FAM107B: variants seen among roughly 807,000 people sequenced by gnomAD.
FAM107B encodes protein FAM107B.
A neutral mutation model predicts 31.5 loss-of-function variants in FAM107B; 21 were observed. The ratio of observed to expected loss-of-function variants is 0.67; its 90% CI spans 0.47 to 0.96. FAM107B has a LOEUF of 0.96. Ranked by LOEUF, FAM107B falls within the 40% of genes least tolerant of loss-of-function variation. The pLI is 0.00. For missense variants in FAM107B, 452 were observed against 377.1 expected (o/e 1.20, Z -1.64); for synonymous variants, 157 against 141.5 (o/e 1.11, Z -0.78).
At chr10:14,553,239 G>A (rs1849419303) in intron 2 of FAM107B, 2 of 606,164 alleles carry the variant, frequency 3.3e-6, no homozygotes, top group African/African-American at 4.0e-5. Context: ...AATTATATCT[G>A]TTCACAGGTA....
At chr10:14,570,878 T>TA (rs1214393800) in intron 2 of FAM107B, among the ~76,000 whole-genome samples, 1 of 142,418 alleles carries the variant, frequency 7.0e-6, no homozygotes, top group Non-Finnish European at 1.5e-5. Flanking sequence ...TTTTTTTTTT[T>TA]AATCCACAAC....
intron 1 of FAM107B, among the ~76,000 whole-genome samples, chr10:14,755,505 A>G (rs1832910440): frequency 6.6e-6 from 1 of 151,848 alleles, no homozygotes; most frequent in Non-Finnish European, 1.5e-5. Context: ...TCAAAAAAAA[A>G]AAAAAGAAAA....
intron 2 of FAM107B, among the ~76,000 whole-genome samples, chr10:14,661,884 C>T (rs528004679): frequency 2.0e-4 from 31 of 152,288 alleles, no homozygotes; most frequent in African/African-American, 6.3e-4. Flanking sequence ...TCAATTTGTG[C>T]CTTCTCGCTG....
intron 1 of FAM107B, among the ~76,000 whole-genome samples, chr10:14,748,690 C>T (rs565596811): frequency 1.3e-5 from 2 of 152,332 alleles, no homozygotes; most frequent in South Asian, 2.1e-4. Context: ...TGCAGCAGAG[C>T]GGTCACCAGG....
chr10:14,574,273 CCT>C (rs1564581281), intron 2 of FAM107B, among the ~76,000 whole-genome samples: 1 of 152,178 alleles, frequency 6.6e-6, no homozygotes, highest in South Asian at 2.1e-4. Flanking sequence ...CATTCTGTAC[CCT>C]GAGACATCAC....
At chr10:14,747,144 G>A (rs1832741000) in intron 1 of FAM107B, among the ~76,000 whole-genome samples, 1 of 152,168 alleles carries the variant, frequency 6.6e-6, no homozygotes, top group Non-Finnish European at 1.5e-5. Flanking sequence ...AGCTCCATCA[G>A]GTCATTTATG....
intron 2 of FAM107B, among the ~76,000 whole-genome samples, chr10:14,590,248 C>T (rs182566948): frequency 5.3e-5 from 8 of 152,322 alleles, no homozygotes; most frequent in East Asian, 3.9e-4. Context: ...AACTCTTCCA[C>T]GTTTCTAGTT....
At chr10:14,667,255 C>T (rs1201696649) in intron 2 of FAM107B, among the ~76,000 whole-genome samples, 1 of 152,046 alleles carries the variant, frequency 6.6e-6, no homozygotes, top group African/African-American at 2.4e-5. Context: ...TAAAAAAAAC[C>T]CCAGCAAACT....
At chr10:14,523,804 T>A (rs1845918995) in intron 3 of FAM107B, among the ~76,000 whole-genome samples, 3 of 152,318 alleles carry the variant, frequency 2.0e-5, no homozygotes, top group African/African-American at 4.8e-5. Context: ...ATCTAGATGT[T>A]TTTAAAAATC....
At chr10:14,707,841 G>T (rs1855556114) in intron 1 of FAM107B, among the ~76,000 whole-genome samples, 2 of 152,138 alleles carry the variant, frequency 1.3e-5, no homozygotes, top group Admixed American at 1.3e-4. Flanking sequence ...AATTTAAAAA[G>T]AAGTCATGAA....
intron 2 of FAM107B, among the ~76,000 whole-genome samples, chr10:14,555,264 T>C (rs1849597902): frequency 6.6e-6 from 1 of 152,266 alleles, no homozygotes; most frequent in Admixed American, 6.5e-5. Flanking sequence ...GACATTGTTA[T>C]TATAAAGTTG....
intron 1 of FAM107B, among the ~76,000 whole-genome samples, chr10:14,733,606 C>T (rs537783594): frequency 1.3e-5 from 2 of 152,104 alleles, no homozygotes; most frequent in South Asian, 4.1e-4. Context: ...GGAGAAAGGT[C>T]GTCCAAAATA....
intron 2 of FAM107B, among the ~76,000 whole-genome samples, chr10:14,599,964 A>G (rs1852328620): frequency 6.6e-6 from 1 of 152,210 alleles, no homozygotes; most frequent in Non-Finnish European, 1.5e-5. Context: ...ACTTAAAAAC[A>G]AAAAGTCAGT....
intron 1 of FAM107B, among the ~76,000 whole-genome samples, chr10:14,705,792 G>C (rs1014939850): frequency 6.6e-6 from 1 of 152,104 alleles, no homozygotes; most frequent in East Asian, 1.9e-4. Context: ...GATGGAGGGT[G>C]GTGATGACTG....
chr10:14,748,935 G>A (rs888437028), intron 1 of FAM107B, among the ~76,000 whole-genome samples: 5 of 152,202 alleles, frequency 3.3e-5, no homozygotes, highest in African/African-American at 7.2e-5. Context: ...TTGCTTAAGC[G>A]CCCACTGGCC....
chr10:14,554,651 G>GC (rs1849544846), intron 2 of FAM107B, among the ~76,000 whole-genome samples: 2 of 152,134 alleles, frequency 1.3e-5, no homozygotes, highest in Non-Finnish European at 1.5e-5. Flanking sequence ...GTGTAGCGTT[G>GC]CATAAACATT....
At chr10:14,741,574 A>G (rs1477923262) in intron 1 of FAM107B, among the ~76,000 whole-genome samples, 2 of 152,146 alleles carry the variant, frequency 1.3e-5, no homozygotes, top group African/African-American at 4.8e-5. Context: ...CTGAGCCCCA[A>G]GGGGAGTCTG....
intron 2 of FAM107B, among the ~76,000 whole-genome samples, chr10:14,651,060 T>C (rs753715695): frequency 1.7e-4 from 26 of 152,340 alleles, no homozygotes; most frequent in Middle Eastern, 3.4e-3. Flanking sequence ...TGACGCTTCC[T>C]GAGACAACCT....
chr10:14,753,389 A>C (rs1232541302), intron 1 of FAM107B, among the ~76,000 whole-genome samples: 1 of 152,220 alleles, frequency 6.6e-6, no homozygotes, highest in Non-Finnish European at 1.5e-5. Flanking sequence ...CAAAGCCGTG[A>C]AGATTAGATT....
Sources: gnomAD v4.1 joint callset for allele counts (sites outside exome capture counted in the v4.1 genomes callset) on GRCh38, gnomAD v4.1.1 for gene constraint, MANE v1.5 for transcripts, NCBI Gene and HGNC (gene_info 2026-07-23, HGNC 2026-07-21) for gene names.